PPARGC1A: variants seen among roughly 807,000 people sequenced by gnomAD.
PPARGC1A encodes the protein PPARG coactivator 1 alpha, also known as peroxisome proliferator-activated receptor gamma coactivator 1-alpha.
Under a neutral mutation model 88.7 loss-of-function variants are expected in PPARGC1A, and 25 were observed. The ratio of observed to expected loss-of-function variants is 0.28; its 90% CI spans 0.21 to 0.39. The LOEUF is 0.39. PPARGC1A is among the 10% of genes least tolerant of loss of function. The pLI is 1.00. For missense variants in PPARGC1A, 880 were observed against 968.7 expected (o/e 0.91, Z 1.22); for synonymous variants, 363 against 355.6 (o/e 1.02, Z -0.24).
At chr4:24,334,236 T>G in the PPARGC1A span, among the ~76,000 whole-genome samples, 4 of 152,282 alleles carry the variant, frequency 2.6e-5, no homozygotes, top group East Asian at 7.7e-4. Context: ...TACCTCGCCT[T>G]TTCATACACT....
At chr4:23,891,345 T>C (rs575094981), upstream of PPARGC1A, among the ~76,000 whole-genome samples, 21 of 152,342 alleles carry the variant, frequency 1.4e-4, no homozygotes, top group African/African-American at 5.0e-4. Flanking sequence ...TCAATTCTTT[T>C]ACTTGATAAT....
the PPARGC1A span, among the ~76,000 whole-genome samples, chr4:24,324,535 A>G: frequency 7.9e-5 from 12 of 152,090 alleles, no homozygotes; most frequent in Non-Finnish European, 1.5e-4. Context: ...GTGTTCTCAA[A>G]AACTTAAAAC....
chr4:24,287,222 T>C, the PPARGC1A span, among the ~76,000 whole-genome samples: 1 of 149,668 alleles, frequency 6.7e-6, no homozygotes, highest in Non-Finnish European at 1.5e-5. Context: ...AAAAAAAATG[T>C]ATCCAGACAT....
Position 23,859,789 on chromosome 4 carries a change from A to G in PPARGC1A, c.234+24963T>C, listed in dbSNP as rs1261200765. The stretch of plus-strand genomic sequence containing the variant: ...GTGCAAGACACCGTCTCAAAATAAA[A>G]TAAAATAAAATAAAATAAAATAAAA... On this transcript the variant is annotated intron_variant, in intron 2 of 12. Transcript: ENST00000264867. 1.6e-3 allele frequency among the ~76,000 whole-genome samples: 7 copies of G among 4,270 alleles called. No individual in the cohort carries two copies. In the African/African-American group the frequency reaches 0.025, roughly 16 times the overall value. The allele number at this position is 4,270 out of a possible 152,430, so 2.8% of individuals were successfully genotyped here. A position where few individuals can be genotyped will look rare whatever the true frequency, so the allele number is the denominator to read the frequency against.
intron 10 of PPARGC1A, among the ~76,000 whole-genome samples, chr4:23,805,162 G>A (rs1014334194): frequency 6.6e-6 from 1 of 151,852 alleles, no homozygotes; most frequent in Non-Finnish European, 1.5e-5. Context: ...ATGCCTAAGA[G>A]TGGTCCTTCT....
At chr4:23,852,600 G>T (rs973151687) in intron 2 of PPARGC1A, among the ~76,000 whole-genome samples, 3 of 151,746 alleles carry the variant, frequency 2.0e-5, no homozygotes, top group African/African-American at 7.3e-5. Context: ...TCCACATTTT[G>T]GTATCTTCAC....
the PPARGC1A span, among the ~76,000 whole-genome samples, chr4:24,149,599 T>G: frequency 6.6e-6 from 1 of 152,148 alleles, no homozygotes; most frequent in East Asian, 1.9e-4. Flanking sequence ...CATTTCCTGA[T>G]GTGAATGAGC....
the PPARGC1A span, among the ~76,000 whole-genome samples, chr4:23,997,706 G>A: frequency 3.0e-4 from 45 of 151,904 alleles, no homozygotes; most frequent in East Asian, 8.4e-3. Flanking sequence ...TGCCCAGGGT[G>A]GTCTTGAACT....
At chr4:23,800,967 C>CTT (rs72052228) in intron 12 of PPARGC1A, among the ~76,000 whole-genome samples, 8,371 of 122,004 alleles carry the variant, frequency 0.069, 321 homozygotes, top group East Asian at 0.21. Flanking sequence ...GTGTTTCTTT[C>CTT]TTTTTTTTTT....
chr4:23,907,288 T>G (rs1460366025), upstream of PPARGC1A, among the ~76,000 whole-genome samples: 1 of 152,212 alleles, frequency 6.6e-6, no homozygotes, highest in Admixed American at 6.5e-5. Flanking sequence ...GAAAGTTGCA[T>G]GCATTGATTC....
chr4:24,273,684 T>C, the PPARGC1A span, among the ~76,000 whole-genome samples: 1 of 151,494 alleles, frequency 6.6e-6, no homozygotes, highest in African/African-American at 2.4e-5. Context: ...AATAGTGTTG[T>C]ATGGACGAGA....
At chr4:23,931,514 A>C in the PPARGC1A span, among the ~76,000 whole-genome samples, 1 of 152,172 alleles carries the variant, frequency 6.6e-6, no homozygotes, top group Non-Finnish European at 1.5e-5. Context: ...GAATAAAGAA[A>C]GAATAGTGAA....
the PPARGC1A span, among the ~76,000 whole-genome samples, chr4:24,211,117 C>A: frequency 6.6e-6 from 1 of 152,146 alleles, no homozygotes; most frequent in Admixed American, 6.5e-5. Context: ...TTTTTCATGT[C>A]TTGTTATTCC....
At chr4:24,044,120 C>G in the PPARGC1A span, among the ~76,000 whole-genome samples, 2 of 152,180 alleles carry the variant, frequency 1.3e-5, no homozygotes, top group African/African-American at 4.8e-5. Flanking sequence ...TCAACCGTAA[C>G]GCCTAGGCTG....
chr4:23,814,622 A>AC lies in PPARGC1A; in HGVS notation c.878-18_878-17insG. 3.7e-6 allele frequency: 4 copies of AC among 1,080,294 alleles called. No homozygotes were observed. The highest frequency in any genetic ancestry group is 4.9e-6 in the Non-Finnish European group (4 of 812,258). 66.9% of individuals were successfully genotyped at this position (1,080,294 alleles called of 1,614,324 possible). A position where few individuals can be genotyped will look rare whatever the true frequency, so the allele number is the denominator to read the frequency against. On this transcript the variant is annotated splice_polypyrimidine_tract_variant and intron_variant, in intron 7 of 12. Transcript: ENST00000264867. ...GAGTTAGGCCTAAGGCAAAAATTAA[A>AC]AAAAAAAAAAAAAAGAGAGAGAAAG...
chr4:24,220,831 C>T, the PPARGC1A span, among the ~76,000 whole-genome samples: 1 of 152,062 alleles, frequency 6.6e-6, no homozygotes, highest in East Asian at 1.9e-4. Flanking sequence ...ACACAATATA[C>T]CCATTTAACA....
chr4:24,368,000 T>C, the PPARGC1A span, among the ~76,000 whole-genome samples: 1 of 152,182 alleles, frequency 6.6e-6, no homozygotes, highest in South Asian at 2.1e-4. Context: ...CACTAACCTA[T>C]GGTTGCTACA....
chr4:24,043,236 G>C, the PPARGC1A span, among the ~76,000 whole-genome samples: 2 of 152,062 alleles, frequency 1.3e-5, no homozygotes, highest in African/African-American at 2.4e-5. Flanking sequence ...GCTCACCTAT[G>C]TCCCCTATCC....
the PPARGC1A span, among the ~76,000 whole-genome samples, chr4:24,213,206 G>T: frequency 7.6e-6 from 1 of 131,132 alleles, no homozygotes; most frequent in Non-Finnish European, 1.5e-5. Context: ...TTGCTCTGTC[G>T]CCCAGGCTGG....
Sources: allele counts gnomAD v4.1 joint callset (sites outside exome capture counted in the v4.1 genomes callset), GRCh38; gene constraint gnomAD v4.1.1; transcripts MANE v1.5; gene names NCBI Gene and HGNC (gene_info 2026-07-23, HGNC 2026-07-21).